Variants in PDE11A observed in about 807,000 individuals in gnomAD.
PDE11A encodes the protein phosphodiesterase 11A, also known as dual 3',5'-cyclic-AMP and -GMP phosphodiesterase 11A.
PDE11A carries 100 observed loss-of-function variants against 100.5 expected under a neutral mutation model. That is an observed-to-expected ratio of 1.00 (90% confidence interval 0.85 to 1.18). The LOEUF is 1.18. Ranked by LOEUF, PDE11A falls within the 50% of genes most tolerant of loss-of-function variation. The pLI is 0.00. For synonymous variants in PDE11A, 381 were observed against 420.8 expected (o/e 0.91, Z 1.16); for missense variants, 1,141 against 1,152.6 (o/e 0.99, Z 0.15).
chr2:177,759,248 A>T (rs2105487528), intron 10 of PDE11A, among the ~76,000 whole-genome samples: 1 of 152,214 alleles, frequency 6.6e-6, no homozygotes, highest in East Asian at 1.9e-4. Context: ...CAGAATAGCT[A>T]AAATTTCTGA....
intron 9 of PDE11A, among the ~76,000 whole-genome samples, chr2:177,811,255 G>A (rs1052480626): frequency 2.0e-5 from 3 of 151,972 alleles, no homozygotes; most frequent in Admixed American, 1.3e-4. Flanking sequence ...TAGCTCTTCT[G>A]AAGCTCTTGG....
At chr2:177,716,223 G>C (rs2081434941) in intron 12 of PDE11A, among the ~76,000 whole-genome samples, 1 of 152,236 alleles carries the variant, frequency 6.6e-6, no homozygotes. Flanking sequence ...CAGAGGCAGG[G>C]GGAAAAGTAG....
At chr2:177,947,608 T>A (rs914587540) in intron 2 of PDE11A, among the ~76,000 whole-genome samples, 1 of 151,656 alleles carries the variant, frequency 6.6e-6, no homozygotes, top group Non-Finnish European at 1.5e-5. Context: ...TGATCTCAAG[T>A]AATCAGGGAC....
chr2:177,877,251 G>A (rs764686377), intron 4 of PDE11A, among the ~76,000 whole-genome samples: 7 of 144,484 alleles, frequency 4.8e-5, no homozygotes, highest in Non-Finnish European at 9.0e-5. Flanking sequence ...TGCAGCCTCC[G>A]CCTCCCGGGT....
At chr2:177,741,097 G>C (rs544003168) in intron 10 of PDE11A, among the ~76,000 whole-genome samples, 1 of 152,330 alleles carries the variant, frequency 6.6e-6, no homozygotes, top group East Asian at 1.9e-4. Flanking sequence ...CTCAGAAAAA[G>C]ACAGTGTGTT....
intron 6 of PDE11A, among the ~76,000 whole-genome samples, chr2:177,833,973 C>G (rs1286642457): frequency 2.0e-5 from 3 of 152,188 alleles, no homozygotes; most frequent in Non-Finnish European, 4.4e-5. Flanking sequence ...TGGTGTGGAG[C>G]CACCAGAAAT....
intron 5 of PDE11A, among the ~76,000 whole-genome samples, chr2:177,874,192 C>A (rs1047461872): frequency 2.6e-5 from 4 of 152,194 alleles, no homozygotes; most frequent in African/African-American, 9.7e-5. Flanking sequence ...GTGGCTACCA[C>A]TTGCTGGTTG....
chr2:177,941,780 A>G (rs79857680), intron 2 of PDE11A, among the ~76,000 whole-genome samples: 1,735 of 152,328 alleles, frequency 0.011, 27 homozygotes, highest in East Asian at 0.074. Context: ...GACTCAGAAG[A>G]TGCAGGGACA....
chr2:178,055,279 T>C (rs1245935363), intron 1 of PDE11A, among the ~76,000 whole-genome samples: 2 of 138,064 alleles, frequency 1.4e-5, no homozygotes, highest in African/African-American at 2.8e-5. Context: ...TTCTCACTTA[T>C]AGGTGGGAAC....
chr2:177,844,994 G>T (rs980995970), intron 5 of PDE11A, among the ~76,000 whole-genome samples: 8 of 150,844 alleles, frequency 5.3e-5, no homozygotes, highest in Non-Finnish European at 1.2e-4. Context: ...CACCTTTCCC[G>T]CCTTTCTATT....
intron 10 of PDE11A, among the ~76,000 whole-genome samples, chr2:177,739,673 T>C (rs192527033): frequency 1.3e-5 from 2 of 152,374 alleles, no homozygotes; most frequent in Non-Finnish European, 2.9e-5. Context: ...TCTGCTGTTG[T>C]CTCAACATTC....
intron 12 of PDE11A, chr2:177,723,257 T>C (rs2081554961): frequency 6.6e-6 from 1 of 152,120 alleles, no homozygotes; most frequent in Non-Finnish European, 1.5e-5. Context: ...TAGTTTGAAT[T>C]ATCAATAAAA....
chr2:177,638,318 C>G (rs924912894), intron 19 of PDE11A, among the ~76,000 whole-genome samples: 1 of 151,606 alleles, frequency 6.6e-6, no homozygotes, highest in African/African-American at 2.4e-5. Context: ...TTTTTTACCT[C>G]AAAAATTAGC....
chr2:177,983,302 TAAAG>T (rs2085904775), intron 2 of PDE11A, among the ~76,000 whole-genome samples: 1 of 152,170 alleles, frequency 6.6e-6, no homozygotes, highest in African/African-American at 2.4e-5. Context: ...ATGCACTTCT[TAAAG>T]AAACTTAATT....
intron 9 of PDE11A, among the ~76,000 whole-genome samples, chr2:177,789,819 A>T (rs1322710784): frequency 2.0e-5 from 3 of 152,174 alleles, no homozygotes; most frequent in Non-Finnish European, 4.4e-5. Flanking sequence ...ATACCTAGGA[A>T]CCCAACTTAC....
intron 8 of PDE11A, 112 bp from the exon 9 acceptor site, chr2:177,817,033 C>A: frequency 1.4e-6 from 1 of 734,522 alleles, no homozygotes; most frequent in South Asian, 1.4e-5. Context: ...TTGTTGTACA[C>A]AGAGGTAGGC....
rs139534663 is a variant in PDE11A, at chr2:178,080,885, G to C, written c.162+23417C>G. On this transcript the variant is annotated intron_variant, in intron 2 of 20. Coordinates refer to the PDE11A transcript ENST00000358450. ...AGTGATCATGATAAATGACAGACTA[G>C]AGCAAGGCCAACCAGCTCTAGTATC... Among the ~76,000 whole-genome samples the C allele has an allele frequency of 6.1e-4, 93 of 151,846 alleles. 1 individual carries two copies. The highest frequency in any genetic ancestry group is 2.2e-3 in the African/African-American group (90 of 41,432).
chr2:178,045,034 G>A (rs1559052837), intron 1 of PDE11A, among the ~76,000 whole-genome samples: 1 of 152,136 alleles, frequency 6.6e-6, no homozygotes, highest in Non-Finnish European at 1.5e-5. Context: ...TGTAGCTTCA[G>A]TGCCCTACCT....
intron 15 of PDE11A, among the ~76,000 whole-genome samples, chr2:177,693,036 T>C (rs781037413): frequency 1.3e-5 from 2 of 152,180 alleles, no homozygotes; most frequent in African/African-American, 2.4e-5. Flanking sequence ...GCTTCCTTTT[T>C]GGTTTCTTCA....
Sources: gnomAD v4.1 joint callset for allele counts (sites outside exome capture counted in the v4.1 genomes callset) on GRCh38, gnomAD v4.1.1 for gene constraint, MANE v1.5 for transcripts, NCBI Gene and HGNC (gene_info 2026-07-23, HGNC 2026-07-21) for gene names.